The following IGSF5 variants were observed in gnomAD, a reference collection of about 807,000 sequenced individuals.
The protein encoded by IGSF5 is immunoglobulin superfamily member 5.
IGSF5 carries 41 observed loss-of-function variants against 39.4 expected under a neutral mutation model. The observed-to-expected ratio is 1.04, with a 90% confidence interval of 0.81 to 1.35. IGSF5 has a LOEUF of 1.35. Among genes scored for constraint, IGSF5 ranks in the 40% most tolerant of loss-of-function variants. The pLI is 0.00. For synonymous variants in IGSF5, 183 were observed against 175.3 expected (o/e 1.04, Z -0.34); for missense variants, 487 against 494.6 (o/e 0.98, Z 0.15).
At chr21:39,774,646 C>G (rs192269022) in intron 4 of IGSF5, among the ~76,000 whole-genome samples, 241 of 152,278 alleles carry the variant, frequency 1.6e-3, no homozygotes, top group African/African-American at 5.5e-3. Context: ...GCCGTCTCAC[C>G]CTGTCTTGGG....
At chr21:39,775,170 C>T (rs2080133594) in intron 4 of IGSF5, among the ~76,000 whole-genome samples, 1 of 152,174 alleles carries the variant, frequency 6.6e-6, no homozygotes, top group East Asian at 1.9e-4. Context: ...CCTAGCCTTC[C>T]CCTCCAGCCC....
chr21:39,745,541 G>C lies in IGSF5; in HGVS notation c.17+15G>C. The C allele has an allele frequency of 1.4e-6, 1 of 716,936 alleles. No individual in the cohort carries two copies. The allele number at this position is 716,936 out of a possible 1,614,324, so 44.4% of individuals were successfully genotyped here. A position where few individuals can be genotyped will look rare whatever the true frequency, so the allele number is the denominator to read the frequency against. On this transcript the variant is annotated intron_variant, in intron 1 of 8. Coordinates refer to ENST00000380588, the MANE Select transcript of IGSF5 (RefSeq NM_001080444.2). ...CAGAAGGAAAGGTAAGGGCGCATGC[G>C]TGGGCGACTGTTGAGTAGAGACTTC... is the stretch of plus-strand genomic sequence containing the variant.
upstream of IGSF5, among the ~76,000 whole-genome samples, chr21:39,740,705 G>A (rs546979121): frequency 1.9e-4 from 29 of 152,288 alleles, no homozygotes; most frequent in South Asian, 6.2e-4. Context: ...AGTGGCATAG[G>A]TTTGAGCAAT....
At chr21:39,799,732 C>T (rs1016075158) in intron 8 of IGSF5, among the ~76,000 whole-genome samples, 1 of 152,146 alleles carries the variant, frequency 6.6e-6, no homozygotes, top group African/African-American at 2.4e-5. Flanking sequence ...CCAAAGACTC[C>T]ACTGTCCACC....
intron 2 of IGSF5, among the ~76,000 whole-genome samples, chr21:39,749,659 A>G (rs1734858): frequency 0.72 from 109,374 of 152,180 alleles, 41,603 homozygotes; most frequent in Non-Finnish European, 0.84. Context: ...ACATCAATCA[A>G]TAAGTGTAAT....
At chr21:39,781,448 T>C (rs2080170059) in intron 5 of IGSF5, among the ~76,000 whole-genome samples, 1 of 152,226 alleles carries the variant, frequency 6.6e-6, no homozygotes, top group Non-Finnish European at 1.5e-5. Flanking sequence ...AATAATGTTG[T>C]GTATGTTCAT....
the IGSF5 span, among the ~76,000 whole-genome samples, chr21:39,716,236 A>C: frequency 6.6e-6 from 1 of 152,158 alleles, no homozygotes; most frequent in East Asian, 1.9e-4. Flanking sequence ...GTGGGGTCCA[A>C]CCATAAGTCC....
chr21:39,712,435 C>T, the IGSF5 span, among the ~76,000 whole-genome samples: 1 of 152,104 alleles, frequency 6.6e-6, no homozygotes. Flanking sequence ...AAAGGAAAGC[C>T]AAACTCCCAC....
chr21:39,772,975 T>A lies in IGSF5; in HGVS notation c.718+1760T>A, dbSNP rs958136084. Among the ~76,000 whole-genome samples, 18 of 152,192 alleles carry A rather than the reference T, an allele frequency of 1.2e-4. 1 individual carries two copies. The highest frequency in any genetic ancestry group is 1.2e-3 in the East Asian group (6 of 5,202). The stretch of plus-strand genomic sequence containing the variant: ...CAACCTTTCACCTAATACAATTTTT[T>A]AAAAAAACTTTTATTTTAGGTTCAG... On this transcript the variant is annotated intron_variant, in intron 4 of 8. Coordinates refer to ENST00000380588, the MANE Select transcript of IGSF5 (RefSeq NM_001080444.2).
intron 2 of IGSF5, among the ~76,000 whole-genome samples, chr21:39,747,413 A>G (rs2079980672): frequency 6.8e-6 from 1 of 148,018 alleles, no homozygotes; most frequent in African/African-American, 2.5e-5. Flanking sequence ...GTGGGGTCAC[A>G]GCCAAACCAT....
the IGSF5 span, among the ~76,000 whole-genome samples, chr21:39,731,073 G>A: frequency 1.8e-4 from 28 of 152,328 alleles, no homozygotes; most frequent in African/African-American, 5.5e-4. Context: ...GGCCCATCAG[G>A]CTGGGAGCTT....
the IGSF5 span, among the ~76,000 whole-genome samples, chr21:39,719,130 G>C: frequency 6.6e-6 from 1 of 152,144 alleles, no homozygotes; most frequent in Admixed American, 6.5e-5. Flanking sequence ...TCTAGTTTGT[G>C]TGCATAGAGG....
At chr21:39,720,756 T>G in the IGSF5 span, among the ~76,000 whole-genome samples, 1 of 152,216 alleles carries the variant, frequency 6.6e-6, no homozygotes, top group East Asian at 1.9e-4. Flanking sequence ...TCAATATTGG[T>G]TCTCATCAAT....
chr21:39,742,228 C>T (rs914205159), upstream of IGSF5, among the ~76,000 whole-genome samples: 3 of 151,984 alleles, frequency 2.0e-5, no homozygotes, highest in Admixed American at 6.6e-5. Flanking sequence ...ACTAGAATCT[C>T]TCTCTCTAAC....
rs8130899 is a variant in IGSF5, at chr21:39,760,728, G to T, written c.101-4807G>T. Among the ~76,000 whole-genome samples, 435 of 152,092 alleles carry T rather than the reference G, an allele frequency of 2.9e-3. 1 individual carries two copies. Among genetic ancestry groups the T allele is most frequent in the Non-Finnish European group, 3.0e-3 (201 of 67,984 alleles). ...TGGGACTACAAATGCATGCCACCAC[G>T]CCCAGCTAATTTTTTGTATTTTGAG... On this transcript the variant is annotated intron_variant, in intron 2 of 8. Coordinates refer to ENST00000380588, the MANE Select transcript of IGSF5 (RefSeq NM_001080444.2).
intron 8 of IGSF5, among the ~76,000 whole-genome samples, chr21:39,795,699 A>T (rs1165934141): frequency 6.6e-6 from 1 of 151,934 alleles, no homozygotes; most frequent in Non-Finnish European, 1.5e-5. Flanking sequence ...CTGCTACTGA[A>T]ACATGTACCC....
At chr21:39,728,493 G>T in the IGSF5 span, among the ~76,000 whole-genome samples, 2 of 152,254 alleles carry the variant, frequency 1.3e-5, no homozygotes, top group Middle Eastern at 3.4e-3. Context: ...CCCACATCTT[G>T]ATCTTGGACT....
At chr21:39,738,626 AG>A in the IGSF5 span, among the ~76,000 whole-genome samples, 148 of 152,328 alleles carry the variant, frequency 9.7e-4, no homozygotes, top group African/African-American at 3.4e-3. This position sits in a 1 kb window ranked among gnomAD's most constrained non-coding sequence, Gnocchi z 6.4. Flanking sequence ...ATACCATTTT[AG>A]CAAAGGGCAA....
rs762300300 is a variant in IGSF5 at position 39,788,155 on chromosome 21, T to C, written c.935-12T>C. The C allele has an allele frequency of 3.1e-6, 5 of 1,589,630 alleles. No individual in the cohort carries two copies. The highest frequency in any genetic ancestry group is 1.3e-5 in the African/African-American group (1 of 74,376). ...CCCGATTTTTCCAATGTAATTTTGT[T>C]CTTTTTTGCAGGATTTCGTATTCAA... On this transcript the variant is annotated splice_polypyrimidine_tract_variant and intron_variant, in intron 5 of 8. Transcript: ENST00000380588.
Sources: allele counts gnomAD v4.1 joint callset (sites outside exome capture counted in the v4.1 genomes callset), GRCh38; gene constraint gnomAD v4.1.1; non-coding constraint Gnocchi (gnomAD v3.1); transcripts MANE v1.5; gene names NCBI Gene and HGNC (gene_info 2026-07-23, HGNC 2026-07-21).